The following CNTN1 variants were observed in gnomAD, a reference collection of about 807,000 sequenced individuals.
The protein encoded by CNTN1 is contactin 1.
In CNTN1, 38 loss-of-function variants were observed where a neutral mutation model predicts 126.4. The ratio of observed to expected loss-of-function variants is 0.30; its 90% CI spans 0.23 to 0.39. The LOEUF (loss-of-function observed/expected upper bound fraction) is 0.39, where lower values mean the gene tolerates loss of function less well. CNTN1 is among the 10% of genes least tolerant of loss of function. The pLI, the probability that CNTN1 is intolerant of heterozygous loss-of-function variation, is 1.00. For synonymous variants in CNTN1, 413 were observed against 422.6 expected (o/e 0.98, Z 0.28); for missense variants, 1,009 against 1,248.4 (o/e 0.81, Z 2.89).
At chr12:40,943,369 G>A (rs981685156) in intron 12 of CNTN1, among the ~76,000 whole-genome samples, 1 of 151,796 alleles carries the variant, frequency 6.6e-6, no homozygotes, top group African/African-American at 2.4e-5. Context: ...AGAAGACTAC[G>A]GCAATAGTTC....
At position 40,784,214 on chromosome 12, in the gene CNTN1, A is replaced by G. The variant is rs553263206; in HGVS notation, c.-77+91622A>G. Among the ~76,000 whole-genome samples the G allele has an allele frequency of 9.2e-5, 14 of 152,280 alleles. No individual in the cohort carries two copies. The East Asian group carries it at 2.7e-3, about 29-fold the overall frequency. ...TGCATTTGTCTGGAGATGAGTCTTC[A>G]TATGGCGCTATCAATATATTTTTAG... On this transcript the variant is annotated intron_variant, in intron 1 of 23. Coordinates refer to ENST00000551295, the MANE Select transcript of CNTN1 (RefSeq NM_001843.4).
chr12:40,790,714 G>A (rs1328206919), intron 1 of CNTN1, among the ~76,000 whole-genome samples: 1 of 151,986 alleles, frequency 6.6e-6, no homozygotes, highest in African/African-American at 2.4e-5. Context: ...CACATCTCCT[G>A]TCCCACCGCC....
intron 14 of CNTN1, among the ~76,000 whole-genome samples, chr12:40,944,416 AT>A (rs1946367279): frequency 6.6e-6 from 1 of 151,956 alleles, no homozygotes; most frequent in African/African-American, 2.4e-5. Context: ...TTTAGGTATG[AT>A]TTCCCCCTTA....
intron 17 of CNTN1, among the ~76,000 whole-genome samples, chr12:41,007,894 A>C (rs573633838): frequency 6.6e-6 from 1 of 152,280 alleles, no homozygotes; most frequent in South Asian, 2.1e-4. Context: ...TCTGCAGCTC[A>C]ACTTTACAGG....
intron 1 of CNTN1, among the ~76,000 whole-genome samples, chr12:40,796,341 TA>T (rs1306063506): frequency 2.6e-5 from 4 of 152,190 alleles, no homozygotes; most frequent in Non-Finnish European, 5.9e-5. Context: ...TTCAGACCTT[TA>T]GACTAGGGCT....
chr12:40,910,782 A>G (rs1251315275), intron 3 of CNTN1, among the ~76,000 whole-genome samples: 1 of 152,222 alleles, frequency 6.6e-6, no homozygotes, highest in Non-Finnish European at 1.5e-5. Flanking sequence ...ATGAATTGCA[A>G]TGATAACTTC....
Position 40,944,149 on chromosome 12 carries a change from T to A in CNTN1, c.1662T>A (p.Ile554=), listed in dbSNP as rs138029751. Residue 554 remains isoleucine (I), a synonymous_variant, in exon 14 of 24, where the codon ATT becomes ATA. Transcript: ENST00000551295. The part of the protein sequence containing the change: ...GYVIDFNKEN[I]HYQRNFMLDS... ...TGATCGATTTTAACAAAGAGAATAT[T>A]CACTACCAGAGGAATTTTATGGTAT... 1.4e-5 allele frequency: 22 copies of A among 1,613,134 alleles called. No individual in the cohort carries two copies. In the African/African-American group the frequency reaches 2.8e-4, roughly 21 times the overall value.
chr12:40,792,486 A>G (rs1016197836), intron 1 of CNTN1, among the ~76,000 whole-genome samples: 2 of 61,594 alleles, frequency 3.2e-5, no homozygotes, highest in Non-Finnish European at 7.1e-5. Context: ...TTCTCTGGAC[A>G]TGTAAAAGGA....
At chr12:40,827,413 A>G (rs1260297422) in intron 1 of CNTN1, among the ~76,000 whole-genome samples, 1 of 129,956 alleles carries the variant, frequency 7.7e-6, no homozygotes, top group African/African-American at 2.7e-5. Flanking sequence ...AGGTTATTCA[A>G]ATGAGTCCTG....
At chr12:40,702,738 G>C (rs7971056) in intron 1 of CNTN1, among the ~76,000 whole-genome samples, 1 of 152,136 alleles carries the variant, frequency 6.6e-6, no homozygotes, top group African/African-American at 2.4e-5. Context: ...GCCTGGCCCA[G>C]AATTGAATTA....
At chr12:40,946,220 C>T (rs144427206) in intron 14 of CNTN1, among the ~76,000 whole-genome samples, 1 of 152,038 alleles carries the variant, frequency 6.6e-6, no homozygotes, top group Non-Finnish European at 1.5e-5. Context: ...ATATGCCATG[C>T]AAAATTTAAG....
intron 1 of CNTN1, among the ~76,000 whole-genome samples, chr12:40,718,363 T>C (rs902155449): frequency 6.6e-6 from 1 of 152,030 alleles, no homozygotes; most frequent in Non-Finnish European, 1.5e-5. Flanking sequence ...TGTATTTTAC[T>C]AGAGATGGGG....
At chr12:41,066,083 T>C (rs1309427898) in intron 23 of CNTN1, among the ~76,000 whole-genome samples, 1 of 152,194 alleles carries the variant, frequency 6.6e-6, no homozygotes, top group Non-Finnish European at 1.5e-5. Context: ...TTCTTCCATA[T>C]GGCCAGGGCC....
intron 23 of CNTN1, among the ~76,000 whole-genome samples, chr12:41,040,250 T>A (rs1361652834): frequency 1.3e-5 from 2 of 152,160 alleles, no homozygotes; most frequent in Admixed American, 1.3e-4. Flanking sequence ...ATCATTTCTA[T>A]AATTGCTCAA....
chr12:40,748,104 T>C (rs1037547629), intron 1 of CNTN1, among the ~76,000 whole-genome samples: 8 of 152,026 alleles, frequency 5.3e-5, no homozygotes, highest in Non-Finnish European at 1.2e-4. Context: ...TAGGCAGTGG[T>C]TTTTAGTATG....
At chr12:40,869,509 G>A (rs1361906913) in intron 1 of CNTN1, among the ~76,000 whole-genome samples, 1 of 151,998 alleles carries the variant, frequency 6.6e-6, no homozygotes, top group Non-Finnish European at 1.5e-5. Context: ...TGCTCAAGCA[G>A]TCTGCCCACT....
intron 17 of CNTN1, among the ~76,000 whole-genome samples, chr12:40,998,646 AT>A (rs1478153086): frequency 2.0e-5 from 3 of 152,048 alleles, no homozygotes; most frequent in South Asian, 2.1e-4. Context: ...AGTTCATTTG[AT>A]TTTTTTGATA....
intron 1 of CNTN1, among the ~76,000 whole-genome samples, chr12:40,836,225 A>G (rs556356057): frequency 9.8e-4 from 146 of 148,234 alleles, no homozygotes; most frequent in Non-Finnish European, 1.6e-3. Context: ...TATATTGTAT[A>G]TATGAATACA....
intron 1 of CNTN1, among the ~76,000 whole-genome samples, chr12:40,774,917 G>A (rs1429310717): frequency 6.6e-6 from 1 of 151,474 alleles, no homozygotes; most frequent in Non-Finnish European, 1.5e-5. Context: ...GTGATACTTT[G>A]ATATAAGTAT....
Sources: allele counts gnomAD v4.1 joint callset (sites outside exome capture counted in the v4.1 genomes callset), GRCh38; gene constraint gnomAD v4.1.1; transcripts MANE v1.5; gene names NCBI Gene and HGNC (gene_info 2026-07-23, HGNC 2026-07-21).